The following OFD1 variants were observed in gnomAD, a reference collection of about 807,000 sequenced individuals.
The protein encoded by OFD1 is OFD1 centriole and centriolar satellite protein, also known as centriole and centriolar satellite protein OFD1.
Under a neutral mutation model 81.4 loss-of-function variants are expected in OFD1, and 12 were observed. That is an observed-to-expected ratio of 0.15 (90% CI 0.09 to 0.24). OFD1 has a LOEUF of 0.24. Among genes scored for constraint, OFD1 ranks in the 10% least tolerant of loss-of-function variants. OFD1 has a pLI of 1.00. For synonymous variants in OFD1, 256 were observed against 263.7 expected, an observed-to-expected ratio of 0.97 and a Z score of 0.28; for missense variants, 685 against 733.9, an observed-to-expected ratio of 0.93 and a Z score of 0.77.
downstream of OFD1, chrX:13,772,776 G>A (rs1176854753): frequency 9.5e-6 from 7 of 740,236 alleles, no homozygotes; most frequent in Admixed American, 2.7e-5. Flanking sequence ...TGAAGTGTTT[G>A]TACATCTACA....
At chrX:13,734,484 T>C, upstream of OFD1, 1 of 223,481 alleles carries the variant, frequency 4.5e-6, no homozygotes, top group South Asian at 1.4e-4. Flanking sequence ...CTCCAGGGAC[T>C]CAAAACACCC....
chrX:13,721,869 T>C, the OFD1 span: 2 of 110,759 alleles, frequency 1.8e-5, no homozygotes, highest in Admixed American at 9.7e-5. Context: ...CACGCTTCAA[T>C]GGCAGAGTTA....
intron 22 of OFD1, 23 bp from the exon 23 acceptor site, chrX:13,769,039 TTTAA>T (rs1348012164): frequency 1.8e-6 from 2 of 1,118,663 alleles, no homozygotes; most frequent in East Asian, 6.0e-5. Context: ...ATTTTTACAT[TTTAA>T]TTTTTATCTT....
At chrX:13,752,556 C>A (rs1336778711) in intron 10 of OFD1, 2 of 342,840 alleles carry the variant, frequency 5.8e-6, no homozygotes, top group Non-Finnish European at 8.7e-6. Context: ...TGTATTTTAC[C>A]CACATCTTCT....
chrX:13,739,841 T>C, intron 5 of OFD1: 2 of 753,303 alleles, frequency 2.7e-6, no homozygotes, highest in Non-Finnish European at 3.1e-6. Flanking sequence ...TACTGTGGGT[T>C]TCAGGCCATT....
chrX:13,737,776 T>C (rs2046929094), intron 3 of OFD1, among the ~76,000 whole-genome samples: 1 of 112,413 alleles, frequency 8.9e-6, no homozygotes, highest in Non-Finnish European at 1.9e-5. Flanking sequence ...TAGTACAGTA[T>C]TTGAATGAAA....
chrX:13,768,866 T>A, intron 22 of OFD1, 81 bp downstream of exon 22: 2 of 907,817 alleles, frequency 2.2e-6, no homozygotes, highest in African/African-American at 3.9e-5. Flanking sequence ...ATGTTTGAGA[T>A]TGCCTGTAAG....
the OFD1 span, among the ~76,000 whole-genome samples, chrX:13,729,382 T>A: frequency 8.9e-6 from 1 of 111,978 alleles, no homozygotes; most frequent in East Asian, 2.8e-4. Context: ...AACAGCATGG[T>A]ACTGGTACCG....
chrX:13,728,998 T>C, the OFD1 span, among the ~76,000 whole-genome samples: 17 of 111,718 alleles, frequency 1.5e-4, no homozygotes, highest in Admixed American at 3.8e-4. Context: ...CCATTCACAA[T>C]TGCTACAAAG....
the OFD1 span, chrX:13,716,059 C>A: frequency 2.5e-6 from 3 of 1,192,227 alleles, no homozygotes. Context: ...ATCTTCTTGT[C>A]TTATGTCATG....
chrX:13,765,825 G>T (rs1191235751), intron 19 of OFD1, among the ~76,000 whole-genome samples: 2 of 112,297 alleles, frequency 1.8e-5, no homozygotes, highest in Non-Finnish European at 3.8e-5. Context: ...ACCTTGCCTG[G>T]AAGGAATAGA....
chrX:13,770,153 G>C (rs2048271856), downstream of OFD1, among the ~76,000 whole-genome samples: 1 of 112,210 alleles, frequency 8.9e-6, no homozygotes, highest in Non-Finnish European at 1.9e-5. Context: ...TTCGTGGCAG[G>C]ATCACTATGG....
At position 13,769,267 on chromosome X, in the gene OFD1, G is replaced by A. The variant is rs1422965719; in HGVS notation, c.*159G>A. On this transcript the variant is annotated 3_prime_UTR_variant, in exon 23 of 23. Coordinates refer to ENST00000340096, the MANE Select transcript of OFD1 (RefSeq NM_003611.3). The stretch of plus-strand genomic sequence containing the variant: ...ATAATTAATTTTGATACCATAGTGT[G>A]TGAACCAAGAATAATCTAGTCACGT... The A allele has an allele frequency of 3.9e-5, 19 of 492,413 alleles. No homozygotes were observed. In the East Asian group the frequency reaches 6.5e-4, roughly 17 times the overall value. 40.6% of individuals were successfully genotyped at this position (492,413 alleles called of 1,213,427 possible). A position where few individuals can be genotyped will look rare whatever the true frequency, so the allele number is the denominator to read the frequency against.
intron 11 of OFD1, 64 bp from the exon 12 acceptor site, chrX:13,755,087 T>C (rs2047650042): frequency 2.5e-6 from 2 of 812,481 alleles, no homozygotes; most frequent in African/African-American, 2.0e-5. Flanking sequence ...GCCATAAATA[T>C]TAAATGGCTT....
In OFD1 at chrX:13,734,807, C is replaced by A. The variant is rs1004260106; in HGVS notation, c.-265C>A. ...AGTCCCTAGTGTCTGGGTCCCCGCC[C>A]TCCAGCCGCCTTTGAGTCGTGCCTG... On this transcript the variant is annotated 5_prime_UTR_variant, in exon 1 of 23. Coordinates refer to ENST00000340096, the MANE Select transcript of OFD1 (RefSeq NM_003611.3). 1 of 1,075,845 alleles carries A rather than the reference C, an allele frequency of 9.3e-7. No homozygotes were observed. The highest frequency in any genetic ancestry group is 3.4e-5 in the East Asian group (1 of 29,744). 88.7% of individuals were successfully genotyped at this position (1,075,845 alleles called of 1,213,427 possible).
At chrX:13,715,632 T>C in the OFD1 span, 5 of 190,513 alleles carry the variant, frequency 2.6e-5, no homozygotes, top group Non-Finnish European at 4.2e-5. Flanking sequence ...TATTGCACTG[T>C]AACTTATTTG....
At chrX:13,719,916 T>G in the OFD1 span, 2 of 1,203,272 alleles carry the variant, frequency 1.7e-6, no homozygotes, top group Admixed American at 4.4e-5. Context: ...TTTCAAAAAC[T>G]GGATTATCAT....
At chrX:13,727,926 C>T in the OFD1 span, among the ~76,000 whole-genome samples, 21 of 111,080 alleles carry the variant, frequency 1.9e-4, 1 homozygote, top group East Asian at 8.4e-4. Context: ...ATATCACCAC[C>T]GATCCCACAG....
At chrX:13,729,655 TC>T in the OFD1 span, among the ~76,000 whole-genome samples, 1 of 112,017 alleles carries the variant, frequency 8.9e-6, no homozygotes, top group Non-Finnish European at 1.9e-5. Context: ...AAGCCTGTAA[TC>T]CCGGCACTTT....
Sources: allele counts gnomAD v4.1 joint callset (sites outside exome capture counted in the v4.1 genomes callset), GRCh38; gene constraint gnomAD v4.1.1; transcripts MANE v1.5; gene names NCBI Gene and HGNC (gene_info 2026-07-23, HGNC 2026-07-21).